COL17A1: variants seen among roughly 807,000 people sequenced by gnomAD.
COL17A1 encodes collagen type XVII alpha 1 chain.
A neutral mutation model predicts 218.4 loss-of-function variants in COL17A1; 181 were observed. That is an observed-to-expected ratio of 0.83 (90% CI 0.73 to 0.94). The LOEUF is 0.94. COL17A1 is among the 40% of genes least tolerant of loss of function. The pLI is 0.00. For synonymous variants in COL17A1, 721 were observed against 731.0 expected (o/e 0.99, Z 0.22); for missense variants, 1,924 against 1,945.9 (o/e 0.99, Z 0.21).
chr10:104,065,556 T>C (rs1274170866), intron 9 of COL17A1, among the ~76,000 whole-genome samples: 1 of 152,238 alleles, frequency 6.6e-6, no homozygotes, highest in Admixed American at 6.5e-5. Flanking sequence ...TTTTCCTCAA[T>C]GCCTGGTGCT....
In COL17A1 at chr10:104,034,621, T is replaced by C; in HGVS notation, c.3766A>G (p.Ser1256Gly). The change falls in exon 51 of 56, where the codon AGT (serine) becomes GGT (glycine). Residue 1256 changes from serine to glycine, a missense_variant and splice_region_variant. Transcript: ENST00000648076. ...FRSELISYLTSPDVRSFIVGP... is the reference protein window; with the variant it reads ...FRSELISYLTGPDVRSFIVGP... Reference sequence around the variant, plus strand: ...GGGGCATCACCGTCGGGGCACCTACTTGTGAGGTAGCTGATCAGCTCGCTC... The same window carrying C: ...GGGGCATCACCGTCGGGGCACCTACCTGTGAGGTAGCTGATCAGCTCGCTC... 6.2e-7 allele frequency: 1 copy of C among 1,609,728 alleles called. No homozygotes were observed. Among genetic ancestry groups the C allele is most frequent in the Non-Finnish European group, 8.5e-7 (1 of 1,178,150 alleles).
At position 104,037,095 on chromosome 10, in the gene COL17A1, C is replaced by T. The variant is rs769738965; in HGVS notation, c.3227G>A (p.Ser1076Asn). ...AGAAGAGATGGAGGACGAGAACAAG[C>T]TGACACCGTACCCCGAAGCTGTCGG... ...SYLRTSGYGV[S>N]LFSSSISSED... The change falls in exon 47 of 56, where the codon AGC (serine) becomes AAC (asparagine). Residue 1076 changes from serine (S) to asparagine (N), a missense_variant. Ser to Asn is a conservative substitution (Grantham distance 46). Transcript: ENST00000648076. 4 of 1,606,822 alleles carry T rather than the reference C, an allele frequency of 2.5e-6. No homozygotes were observed. The highest frequency in any genetic ancestry group is 3.4e-6 in the Non-Finnish European group (4 of 1,177,178).
At position 104,067,896 on chromosome 10, in the gene COL17A1, G is replaced by A. The variant is rs115068527; in HGVS notation, c.607+2530C>T. Among the ~76,000 whole-genome samples the A allele has an allele frequency of 6.3e-3, 961 of 152,198 alleles. 11 individuals are homozygous for A. Among genetic ancestry groups the A allele is most frequent in the African/African-American group, 0.023 (936 of 41,532 alleles). ...AAAGAGAAAGAGACGGGAAAAGACA[G>A]AGATCAAAGACACAGAAGGTGAAAC... On this transcript the variant is annotated intron_variant, in intron 9 of 55. Transcript: ENST00000648076.
chr10:104,056,506 C>G (rs963646016), intron 17 of COL17A1, among the ~76,000 whole-genome samples: 1 of 151,934 alleles, frequency 6.6e-6, no homozygotes, highest in Admixed American at 6.6e-5. Context: ...CGCTTGAACT[C>G]AGGAGGCGGA....
At chr10:104,059,842 G>A in intron 14 of COL17A1, 124 bp from the exon 15 acceptor site, 1 of 1,100,090 alleles carries the variant, frequency 9.1e-7, no homozygotes, top group South Asian at 1.3e-5. Context: ...GGTAAGAAGA[G>A]CCCCTCTTTC....
Position 104,050,868 on chromosome 10 carries a change from A to T in COL17A1, c.2072T>A (p.Val691Glu), listed in dbSNP as rs1206764202. 1 of 1,614,028 alleles carries T rather than the reference A, an allele frequency of 6.2e-7. No individual in the cohort carries two copies. The highest frequency in any genetic ancestry group is 1.7e-5 in the Admixed American group (1 of 60,018). Residue 691 changes from valine to glutamate, a missense_variant, in exon 26 of 56, where the codon GTA (valine) becomes GAA (glutamate). Transcript: ENST00000648076. The stretch of plus-strand genomic sequence containing the variant: ...CTTACCTTTGACACCAGGAAGTCCT[A>T]CTTCACCTCGGAGCCCTTGGAGACC... ...PVGLQGLRGE[V>E]GLPGVKGDKG...
chr10:104,050,898 G>A lies in COL17A1; in HGVS notation c.2042C>T (p.Pro681Leu), dbSNP rs771443506. Residue 681 changes from proline (P) to leucine (L), a missense_variant, in exon 26 of 56, where the codon CCT (proline) becomes CTT (leucine). Coordinates refer to ENST00000648076, the MANE Select transcript of COL17A1 (RefSeq NM_000494.4). ...ACCTCGGAGCCCTTGGAGACCTACA[G>A]GACCTGCCCGGCAGAAGAAACCATG... ...GSPGPQGPPG[P>L]VGLQGLRGEV... 51 of 1,614,060 alleles carry A rather than the reference G, an allele frequency of 3.2e-5. No individual in the cohort carries two copies. The highest frequency in any genetic ancestry group is 4.2e-5 in the Non-Finnish European group (49 of 1,180,044).
At chr10:104,052,610 T>G (rs2086480697) in intron 23 of COL17A1, among the ~76,000 whole-genome samples, 1 of 152,158 alleles carries the variant, frequency 6.6e-6, no homozygotes, top group African/African-American at 2.4e-5. Context: ...TCTCCAGCAC[T>G]GAACCTATGT....
rs1293404760 is a variant in COL17A1, at chr10:104,055,799, A to G, written c.1670T>C (p.Met557Thr). 3 of 1,614,036 alleles carry G rather than the reference A, an allele frequency of 1.9e-6. No homozygotes were observed. The highest frequency in any genetic ancestry group is 2.5e-6 in the Non-Finnish European group (3 of 1,180,038). ...ELWMFVRKKL[M>T]MEQENGNLRG... ...GCTCTCACCATTTTCCTGTTCCATCATTAGCTTCTTCCTCACGAACATCCA... is the reference window on the plus strand; with the variant it reads ...GCTCTCACCATTTTCCTGTTCCATCGTTAGCTTCTTCCTCACGAACATCCA... Residue 557 changes from methionine (M) to threonine (T), a missense_variant, in exon 18 of 56, where the codon ATG becomes ACG. By Grantham distance (81) the Met-to-Thr change is moderately conservative (BLOSUM62 -1). Transcript: ENST00000648076.
chr10:104,058,627 A>T (rs1478061774), intron 15 of COL17A1, among the ~76,000 whole-genome samples: 1 of 152,144 alleles, frequency 6.6e-6, no homozygotes, highest in South Asian at 2.1e-4. Flanking sequence ...TGAGTCCGTG[A>T]TGCTATTTGA....
chr10:104,046,910 G>T, intron 31 of COL17A1, 137 bp from the exon 32 acceptor site: 1 of 803,706 alleles, frequency 1.2e-6, no homozygotes, highest in East Asian at 2.7e-5. Context: ...TCATGCCGGG[G>T]CAGCCAGCAT....
At chr10:104,033,737 G>A (rs1276243988) in intron 52 of COL17A1, among the ~76,000 whole-genome samples, 10 of 152,142 alleles carry the variant, frequency 6.6e-5, no homozygotes, top group East Asian at 1.9e-4. Flanking sequence ...AGCCCCCAGC[G>A]TGCTCTGTTC....
In COL17A1 at chr10:104,036,077, AGTGTGTATGGGAGTGT is replaced by A. The variant is rs199669676; in HGVS notation, c.3418+399_3418+414del. 1.5e-3 allele frequency among the ~76,000 whole-genome samples: 69 copies of A among 44,746 alleles called. 10 individuals are homozygous for A. The highest frequency in any genetic ancestry group is 4.0e-3 in the South Asian group (5 of 1,256). 29.4% of individuals were successfully genotyped at this position (44,746 alleles called of 152,430 possible). A position where few individuals can be genotyped will look rare whatever the true frequency, so the allele number is the denominator to read the frequency against. ...GTGTGTATGGGAGTATGTGTATGGG[AGTGTGTATGGGAGTGT>A]GTGTGTATGGGAGTGTGTGTGTATG... On this transcript the variant is annotated intron_variant, in intron 48 of 55. Coordinates refer to ENST00000648076, the MANE Select transcript of COL17A1 (RefSeq NM_000494.4).
chr10:104,041,247 T>C, intron 38 of COL17A1, 56 bp downstream of exon 38: 1 of 1,601,910 alleles, frequency 6.2e-7, no homozygotes. Flanking sequence ...AGGGTCCCAT[T>C]GCTACCCACC....
intron 1 of COL17A1, 78 bp from the exon 2 acceptor site, chr10:104,080,762 G>A: frequency 7.0e-7 from 1 of 1,434,620 alleles, no homozygotes; most frequent in Non-Finnish European, 9.7e-7. Context: ...TGTTGAAGCT[G>A]ATAACCAAAA....
intron 6 of COL17A1, among the ~76,000 whole-genome samples, chr10:104,073,752 G>A (rs2134651125): frequency 6.6e-6 from 1 of 152,308 alleles, no homozygotes; most frequent in African/African-American, 2.4e-5. Flanking sequence ...GACACAGCTT[G>A]GGGGTTCATG....
chr10:104,044,216 A>G (rs2086387854), intron 33 of COL17A1, among the ~76,000 whole-genome samples: 1 of 152,170 alleles, frequency 6.6e-6, no homozygotes, highest in Admixed American at 6.5e-5. Context: ...AATTACTCAA[A>G]GGTCAAAGGA....
At chr10:104,034,940 C>T (rs1008374408) in intron 50 of COL17A1, among the ~76,000 whole-genome samples, 173 bp from the exon 51 acceptor site, 6 of 152,180 alleles carry the variant, frequency 3.9e-5, no homozygotes, top group African/African-American at 1.4e-4. Flanking sequence ...TTCCTGACAT[C>T]ATCCAGGAAT....
In COL17A1 at chr10:104,036,608, C is replaced by T. The variant is rs760623430; in HGVS notation, c.3302G>A (p.Arg1101His). 8.1e-6 allele frequency: 13 copies of T among 1,613,978 alleles called. No homozygotes were observed. In the South Asian group the frequency reaches 8.8e-5, roughly 11 times the overall value. The change falls in exon 48 of 56, where the codon CGT (arginine) becomes CAT (histidine). Residue 1101 changes from arginine (R) to histidine (H), a missense_variant. Physicochemically the swap from Arg to His is conservative, Grantham distance 29 (BLOSUM62 0). Transcript: ENST00000648076. ...ACCCCGAGGGCCCATCAAGTACTGA[C>T]GTAGGTACTGACGCACGTCATCCCC... ...LQRDDVRQYL[R>H]QYLMGPRGPP...
Sources: allele counts gnomAD v4.1 joint callset (sites outside exome capture counted in the v4.1 genomes callset), GRCh38; gene constraint gnomAD v4.1.1; transcripts MANE v1.5; gene names NCBI Gene and HGNC (gene_info 2026-07-23, HGNC 2026-07-21).